The following PKNOX2 variants were observed in gnomAD, a reference collection of about 807,000 sequenced individuals.
PKNOX2 encodes PBX/knotted 1 homeobox 2.
PKNOX2 carries 14 observed loss-of-function variants against 53.1 expected under a neutral mutation model. That is an observed-to-expected ratio of 0.26 (90% CI 0.17 to 0.41). The LOEUF (loss-of-function observed/expected upper bound fraction) is 0.41. PKNOX2 is among the 10% of genes least tolerant of loss of function. PKNOX2 has a pLI of 1.00. For missense variants in PKNOX2, 496 were observed against 602.8 expected (o/e 0.82, Z 1.85); for synonymous variants, 257 against 242.8 (o/e 1.06, Z -0.54).
intron 2 of PKNOX2, among the ~76,000 whole-genome samples, chr11:125,314,251 C>T (rs1214129021): frequency 6.6e-6 from 1 of 152,124 alleles, no homozygotes; most frequent in Non-Finnish European, 1.5e-5. Flanking sequence ...TGGGGGATTT[C>T]AGTGATCTCA....
chr11:125,242,081 T>C (rs1405687898), intron 2 of PKNOX2, among the ~76,000 whole-genome samples: 1 of 152,162 alleles, frequency 6.6e-6, no homozygotes, highest in East Asian at 1.9e-4. Context: ...TATCCATTCA[T>C]CACCTTCATT....
chr11:125,305,661 A>G (rs1478170531), intron 2 of PKNOX2, among the ~76,000 whole-genome samples: 2 of 152,218 alleles, frequency 1.3e-5, no homozygotes, highest in Non-Finnish European at 2.9e-5. Flanking sequence ...TTGCATGGTC[A>G]GGAGCTAACC....
intron 5 of PKNOX2, among the ~76,000 whole-genome samples, chr11:125,382,952 G>A (rs552900048): frequency 4.6e-5 from 7 of 152,210 alleles, no homozygotes; most frequent in Non-Finnish European, 1.0e-4. Flanking sequence ...TCTGCAGACT[G>A]CACACCGAGT....
chr11:125,262,217 G>C (rs564138333), intron 2 of PKNOX2, among the ~76,000 whole-genome samples: 27 of 152,146 alleles, frequency 1.8e-4, no homozygotes, highest in Non-Finnish European at 3.4e-4. Flanking sequence ...TGGAGGCGGC[G>C]GTGGGGGGGT....
chr11:125,381,701 C>T (rs1953239722), intron 5 of PKNOX2, among the ~76,000 whole-genome samples: 1 of 152,180 alleles, frequency 6.6e-6, no homozygotes, highest in African/African-American at 2.4e-5. Context: ...CATGATCTGA[C>T]TCCTGCTGCC....
intron 4 of PKNOX2, 148 bp downstream of exon 4, chr11:125,351,540 C>A: frequency 1.6e-6 from 1 of 624,414 alleles, no homozygotes; most frequent in Non-Finnish European, 2.8e-6. Flanking sequence ...GGGCTCTTTC[C>A]CGTCAGCCTG....
chr11:125,268,525 G>A (rs1945529982), intron 2 of PKNOX2, among the ~76,000 whole-genome samples: 1 of 152,212 alleles, frequency 6.6e-6, no homozygotes, highest in Non-Finnish European at 1.5e-5. Context: ...TAATGCTGGG[G>A]TTGGGGCAGG....
chr11:125,197,773 C>T (rs1407635482), intron 1 of PKNOX2, among the ~76,000 whole-genome samples: 1 of 152,216 alleles, frequency 6.6e-6, no homozygotes, highest in African/African-American at 2.4e-5. Flanking sequence ...GCTACGGCTG[C>T]CGGTGCAGAG....
chr11:125,213,238 T>G (rs1015957716), intron 1 of PKNOX2, among the ~76,000 whole-genome samples: 1 of 152,092 alleles, frequency 6.6e-6, no homozygotes, highest in Non-Finnish European at 1.5e-5. Flanking sequence ...TCCTGCCCTT[T>G]GTAGAGAGTG....
chr11:125,220,461 A>G (rs1319047802), intron 1 of PKNOX2, among the ~76,000 whole-genome samples: 2 of 152,286 alleles, frequency 1.3e-5, no homozygotes, highest in Non-Finnish European at 2.9e-5. Context: ...GAATCCCCAC[A>G]GCTTGGGTGT....
intron 2 of PKNOX2, among the ~76,000 whole-genome samples, chr11:125,324,615 G>A (rs1204476987): frequency 6.6e-6 from 1 of 152,202 alleles, no homozygotes; most frequent in African/African-American, 2.4e-5. Flanking sequence ...TAAGTGGCTG[G>A]AACGGTCCTC....
chr11:125,341,249 G>A (rs377661182), intron 3 of PKNOX2, among the ~76,000 whole-genome samples: 12 of 150,182 alleles, frequency 8.0e-5, no homozygotes, highest in East Asian at 2.0e-4. Flanking sequence ...CCAGCTACTC[G>A]GGAGGCTGGG....
chr11:125,432,266 G>A lies in PKNOX2; in HGVS notation c.*874G>A, dbSNP rs915516897. 1 of 152,578 alleles carries A rather than the reference G, an allele frequency of 6.6e-6. No homozygotes were observed. The highest frequency in any genetic ancestry group is 1.5e-5 in the Non-Finnish European group (1 of 68,060). The allele number at this position is 152,578 out of a possible 1,614,324, so 9.5% of individuals were successfully genotyped here. A position where few individuals can be genotyped will look rare whatever the true frequency, so the allele number is the denominator to read the frequency against. On this transcript the variant is annotated 3_prime_UTR_variant, in exon 13 of 13. Coordinates refer to ENST00000298282, the MANE Select transcript of PKNOX2 (RefSeq NM_001382323.2). ...AGGACAATGGTTTTTTACCCTAGAT[G>A]TTCCCACCTTCAGTGCTCCACGCCC...
At chr11:125,335,567 T>A (rs1565499790) in intron 3 of PKNOX2, among the ~76,000 whole-genome samples, 1 of 152,196 alleles carries the variant, frequency 6.6e-6, no homozygotes, top group Non-Finnish European at 1.5e-5. Context: ...TCCAGGCCAG[T>A]CTTTGGACTG....
intron 3 of PKNOX2, among the ~76,000 whole-genome samples, chr11:125,346,411 G>A (rs1226435970): frequency 6.6e-6 from 1 of 152,204 alleles, no homozygotes; most frequent in Non-Finnish European, 1.5e-5. Flanking sequence ...ATGTTCTGGG[G>A]AAATCCCTTC....
intron 2 of PKNOX2, among the ~76,000 whole-genome samples, chr11:125,287,023 T>A (rs1946949990): frequency 6.6e-6 from 1 of 152,254 alleles, no homozygotes; most frequent in African/African-American, 2.4e-5. Context: ...CTGAGGTCTC[T>A]GATGCCTGTG....
chr11:125,334,572 G>A (rs1005720727), intron 3 of PKNOX2, among the ~76,000 whole-genome samples: 7 of 150,704 alleles, frequency 4.6e-5, no homozygotes, highest in African/African-American at 1.7e-4. Context: ...GGCAAGTTAC[G>A]TAACTTAAGT....
intron 2 of PKNOX2, among the ~76,000 whole-genome samples, chr11:125,315,886 C>A (rs895924510): frequency 6.6e-6 from 1 of 152,166 alleles, no homozygotes; most frequent in Non-Finnish European, 1.5e-5. Context: ...CACATTTACA[C>A]CCCCTGTGTA....
intron 2 of PKNOX2, among the ~76,000 whole-genome samples, chr11:125,271,020 G>T (rs1003334587): frequency 6.6e-6 from 1 of 152,186 alleles, no homozygotes; most frequent in Non-Finnish European, 1.5e-5. Flanking sequence ...GACACAAGAA[G>T]TTCTGCAGGA....
Sources: allele counts gnomAD v4.1 joint callset (sites outside exome capture counted in the v4.1 genomes callset), GRCh38; gene constraint gnomAD v4.1.1; transcripts MANE v1.5; gene names NCBI Gene and HGNC (gene_info 2026-07-23, HGNC 2026-07-21).